ZFYVE9: variants seen among roughly 807,000 people sequenced by gnomAD.
ZFYVE9 encodes the protein zinc finger FYVE-type containing 9, also known as zinc finger FYVE domain-containing protein 9.
A neutral mutation model predicts 126.7 loss-of-function variants in ZFYVE9; 43 were observed. That is an observed-to-expected ratio of 0.34 (90% CI 0.27 to 0.44). ZFYVE9 has a LOEUF of 0.44. ZFYVE9 is among the 20% of genes least tolerant of loss of function. ZFYVE9 has a pLI of 1.00. For missense variants in ZFYVE9, 1,476 were observed against 1,697.0 expected (o/e 0.87, Z 2.29); for synonymous variants, 521 against 597.4 (o/e 0.87, Z 1.87).
intron 13 of ZFYVE9, among the ~76,000 whole-genome samples, chr1:52,328,789 C>T (rs1646314572): frequency 6.6e-6 from 1 of 152,156 alleles, no homozygotes; most frequent in Admixed American, 6.5e-5. Flanking sequence ...GCTGACTCAT[C>T]CTATTTACAG....
chr1:52,179,327 G>A (rs903631456), intron 1 of ZFYVE9, among the ~76,000 whole-genome samples: 12 of 152,154 alleles, frequency 7.9e-5, no homozygotes, highest in African/African-American at 2.9e-4. Flanking sequence ...GAGAGAACAT[G>A]AGACTGGATT....
intron 7 of ZFYVE9, 116 bp from the exon 8 acceptor site, chr1:52,274,348 T>C: frequency 1.5e-6 from 2 of 1,313,906 alleles, no homozygotes; most frequent in Non-Finnish European, 2.1e-6. Context: ...TTGTGCTACC[T>C]TTCAAAAAGT....
At position 52,306,906 on chromosome 1, in the gene ZFYVE9, C is replaced by G. The variant is rs547584616; in HGVS notation, c.3438+2981C>G. Among the ~76,000 whole-genome samples the G allele has an allele frequency of 3.3e-5, 5 of 152,336 alleles. No individual in the cohort carries two copies. In the East Asian group the frequency reaches 9.7e-4, roughly 29 times the overall value. Reference sequence around the variant, plus strand: ...GAACCCACGCTTGCTTTCTCACACACCCCTTGCTGCTCCATGCCTGGCTCA... The same window carrying G: ...GAACCCACGCTTGCTTTCTCACACAGCCCTTGCTGCTCCATGCCTGGCTCA... On this transcript the variant is annotated intron_variant, in intron 13 of 18. Coordinates refer to ENST00000287727, the MANE Select transcript of ZFYVE9 (RefSeq NM_004799.4).
chr1:52,164,745 C>T (rs1198110940), intron 1 of ZFYVE9, among the ~76,000 whole-genome samples: 1 of 152,200 alleles, frequency 6.6e-6, no homozygotes, highest in Non-Finnish European at 1.5e-5. Context: ...AGCTATTTGG[C>T]TATAGATGAT....
At chr1:52,264,169 T>A in intron 5 of ZFYVE9, 1 of 185,002 alleles carries the variant, frequency 5.4e-6, no homozygotes, top group Non-Finnish European at 1.1e-5. Context: ...ATAACCAGAG[T>A]GAGGTGGGAA....
chr1:52,270,897 G>A (rs1209317351), intron 7 of ZFYVE9, among the ~76,000 whole-genome samples: 3 of 151,858 alleles, frequency 2.0e-5, no homozygotes, highest in Admixed American at 2.0e-4. Context: ...ACATCAAGAA[G>A]TATTAGTTTG....
chr1:52,303,084 C>T (rs544900306), intron 12 of ZFYVE9, among the ~76,000 whole-genome samples: 56 of 152,178 alleles, frequency 3.7e-4, no homozygotes, highest in Non-Finnish European at 2.1e-4. Context: ...CACTCCAGCT[C>T]GGGCAACAGA....
intron 13 of ZFYVE9, among the ~76,000 whole-genome samples, chr1:52,314,516 C>T (rs1423072937): frequency 6.6e-6 from 1 of 152,128 alleles, no homozygotes; most frequent in African/African-American, 2.4e-5. Flanking sequence ...AGCCCCATCT[C>T]TACTAAAAGT....
chr1:52,338,386 C>T (rs1646407517), intron 16 of ZFYVE9, among the ~76,000 whole-genome samples: 1 of 152,172 alleles, frequency 6.6e-6, no homozygotes, highest in African/African-American at 2.4e-5. Flanking sequence ...GGGCTTCAAA[C>T]TCTGTATTCT....
At chr1:52,263,656 T>C in intron 4 of ZFYVE9, 117 bp from the exon 5 acceptor site, 1 of 493,140 alleles carries the variant, frequency 2.0e-6, no homozygotes, top group Non-Finnish European at 3.6e-6. Context: ...TTTGAAACTT[T>C]AGTATTGTAG....
chr1:52,168,781 A>T (rs1572069609), intron 1 of ZFYVE9, among the ~76,000 whole-genome samples: 1 of 151,998 alleles, frequency 6.6e-6, no homozygotes, highest in Non-Finnish European at 1.5e-5. Context: ...CTCCCAGAGT[A>T]CTAGGATTAC....
intron 7 of ZFYVE9, 83 bp downstream of exon 7, chr1:52,268,715 A>G: frequency 6.7e-7 from 1 of 1,492,944 alleles, no homozygotes; most frequent in South Asian, 1.3e-5. Context: ...TTTTGTGTGG[A>G]ACTCTGTAGG....
At chr1:52,341,128 G>C (rs1646433693) in intron 17 of ZFYVE9, among the ~76,000 whole-genome samples, 1 of 152,246 alleles carries the variant, frequency 6.6e-6, no homozygotes, top group African/African-American at 2.4e-5. Context: ...GCTGAGGTGG[G>C]AGAATCGCTT....
At chr1:52,215,567 C>T (rs1328968163) in intron 1 of ZFYVE9, among the ~76,000 whole-genome samples, 1 of 152,068 alleles carries the variant, frequency 6.6e-6, no homozygotes, top group Non-Finnish European at 1.5e-5. Flanking sequence ...AAGATACTTA[C>T]GTGTTCTGAA....
At chr1:52,289,543 G>T (rs1645897248) in intron 10 of ZFYVE9, among the ~76,000 whole-genome samples, 1 of 152,148 alleles carries the variant, frequency 6.6e-6, no homozygotes, top group Non-Finnish European at 1.5e-5. Flanking sequence ...AATTAGTTCT[G>T]TGGATTCATT....
rs145747400 is a variant in ZFYVE9, at chr1:52,237,864, T to C, written c.447T>C (p.Leu149=). 5.6e-6 allele frequency: 9 copies of C among 1,613,638 alleles called. No homozygotes were observed. The highest frequency in any genetic ancestry group is 7.6e-6 in the Non-Finnish European group (9 of 1,179,698). The change falls in exon 4 of 19, where the codon CTT becomes CTC. Residue 149 remains leucine, a synonymous_variant. Transcript: ENST00000287727. ...GTCTGCCAGATGAGAAGAATGTTCT[T>C]GTTGTAGCCGTCATGCATAACTGTG... ...LACLPDEKNV[L]VVAVMHNCDK...
chr1:52,299,958 C>T (rs762076896), intron 12 of ZFYVE9, among the ~76,000 whole-genome samples: 7 of 152,172 alleles, frequency 4.6e-5, no homozygotes, highest in African/African-American at 1.2e-4. Flanking sequence ...GACCGCGGGA[C>T]GAGGCTGCAG....
At chr1:52,323,199 T>G (rs1646258182) in intron 13 of ZFYVE9, among the ~76,000 whole-genome samples, 2 of 152,210 alleles carry the variant, frequency 1.3e-5, no homozygotes, top group South Asian at 4.1e-4. Flanking sequence ...GCATGCTACC[T>G]TACTGCCCTC....
rs139530781 is a variant in ZFYVE9 at position 52,248,382 on chromosome 1, C to T, written c.2178+8787C>T. Among the ~76,000 whole-genome samples, 884 of 152,174 alleles carry T rather than the reference C, an allele frequency of 5.8e-3. 1 individual carries two copies. Among genetic ancestry groups the T allele is most frequent in the Non-Finnish European group, 9.3e-3 (630 of 68,034 alleles). ...TCAGCAAGCAGGCTTATCTTTGCTT[C>T]TTCTGCCTGCTTTGTTTTAGTGCAC... is the stretch of plus-strand genomic sequence containing the variant. On this transcript the variant is annotated intron_variant, in intron 4 of 18. Coordinates refer to ENST00000287727, the MANE Select transcript of ZFYVE9 (RefSeq NM_004799.4).
Sources: allele counts gnomAD v4.1 joint callset (sites outside exome capture counted in the v4.1 genomes callset), GRCh38; gene constraint gnomAD v4.1.1; transcripts MANE v1.5; gene names NCBI Gene and HGNC (gene_info 2026-07-23, HGNC 2026-07-21).